The following CRABP2 variants were observed in gnomAD, a reference collection of about 807,000 sequenced individuals.
CRABP2 encodes cellular retinoic acid binding protein 2, also known as cellular retinoic acid-binding protein 2.
A neutral mutation model predicts 17.9 loss-of-function variants in CRABP2; 20 were observed. The ratio of observed to expected loss-of-function variants is 1.12; its 90% confidence interval spans 0.79 to 1.63. The LOEUF is 1.63. CRABP2 is among the 40% of genes most tolerant of loss of function. The pLI, the probability that CRABP2 is intolerant of heterozygous loss-of-function variation, is 0.00. For synonymous variants in CRABP2, 76 were observed against 66.4 expected (o/e 1.14, Z -0.70); for missense variants, 151 against 168.6 (o/e 0.90, Z 0.58).
intron 1 of CRABP2, among the ~76,000 whole-genome samples, chr1:156,704,461 T>G: frequency 6.6e-6 from 1 of 152,028 alleles, no homozygotes; most frequent in East Asian, 1.9e-4. Flanking sequence ...AACGTCCATC[T>G]CTCCCCCAGA....
rs983285918 is a variant in CRABP2 at position 156,699,710 on chromosome 1, C to T, written c.*316G>A. ...AGCTAGAGGGCCAGTCTTTCCTGCT[C>T]AGGCCCTCAAGTCCCCTTTAGAGAG... On this transcript the variant is annotated 3_prime_UTR_variant, in exon 4 of 4. Transcript: ENST00000368222. The T allele has an allele frequency of 2.9e-6, 1 of 348,312 alleles. No homozygotes were observed. Among genetic ancestry groups the T allele is most frequent in the Non-Finnish European group, 5.3e-6 (1 of 189,982 alleles). The allele number at this position is 348,312 out of a possible 1,614,324, so 21.6% of individuals were successfully genotyped here. A position where few individuals can be genotyped will look rare whatever the true frequency, so the allele number is the denominator to read the frequency against.
rs747435489 is a variant in CRABP2, at chr1:156,705,339, C to T, written c.70+38G>A. The T allele has an allele frequency of 2.5e-6, 4 of 1,609,308 alleles. No homozygotes were observed. Among genetic ancestry groups the T allele is most frequent in the East Asian group, 4.5e-5 (2 of 44,868 alleles). ...CCCCAACTTCGAGGACTCCAGAGCCCCCCCTTGCCCCACCTGGGCCCTCGA... is the reference window on the plus strand; with the variant it reads ...CCCCAACTTCGAGGACTCCAGAGCCTCCCCTTGCCCCACCTGGGCCCTCGA... On this transcript the variant is annotated intron_variant, in intron 1 of 3. Transcript: ENST00000368222. The surrounding 1 kb of genome is among the most constrained non-coding windows in gnomAD (Gnocchi z 5.2).
chr1:156,701,600 T>A (rs1648034745), intron 1 of CRABP2, among the ~76,000 whole-genome samples: 1 of 152,034 alleles, frequency 6.6e-6, no homozygotes, highest in Admixed American at 6.5e-5. Context: ...CCACCGTATC[T>A]AGTGCTAGAT....
At chr1:156,701,707 G>A (rs1274442821) in intron 1 of CRABP2, among the ~76,000 whole-genome samples, 1 of 152,164 alleles carries the variant, frequency 6.6e-6, no homozygotes, top group Non-Finnish European at 1.5e-5. Flanking sequence ...GGAAGACAGA[G>A]GCTCTGGAGT....
chr1:156,705,337 C>G lies in CRABP2; in HGVS notation c.70+40G>C, dbSNP rs750995481. The G allele has an allele frequency of 6.2e-7, 1 of 1,601,934 alleles. No homozygotes were observed. Among genetic ancestry groups the G allele is most frequent in the Non-Finnish European group, 8.6e-7 (1 of 1,169,012 alleles). On this transcript the variant is annotated intron_variant, in intron 1 of 3. Transcript: ENST00000368222. The surrounding 1 kb of genome is among the most constrained non-coding windows in gnomAD (Gnocchi z 5.2). ...ATCCCCAACTTCGAGGACTCCAGAG[C>G]CCCCCCTTGCCCCACCTGGGCCCTC...
chr1:156,702,348 C>T (rs1037081658), intron 1 of CRABP2, among the ~76,000 whole-genome samples: 16 of 151,836 alleles, frequency 1.1e-4, no homozygotes, highest in South Asian at 4.2e-4. Context: ...CTACTTGGGA[C>T]GCTGAGGCTG....
intron 1 of CRABP2, among the ~76,000 whole-genome samples, chr1:156,702,830 C>T (rs1010471550): frequency 6.7e-6 from 1 of 149,144 alleles, no homozygotes; most frequent in African/African-American, 2.5e-5. Context: ...ACTTAGCACA[C>T]ACAGTGCCAG....
Position 156,705,473 on chromosome 1 carries a change from TAG to T in CRABP2, c.-29_-28del. ...GTGGCGGCGCGGGAGGCGGTCCCCGTAGACTCCTAGGCTGGAGCACTGGACAC... is the reference window on the plus strand; with the variant it reads ...GTGGCGGCGCGGGAGGCGGTCCCCGTACTCCTAGGCTGGAGCACTGGACAC... On this transcript the variant is annotated 5_prime_UTR_variant, in exon 1 of 4. Transcript: ENST00000368222. The surrounding 1 kb of genome is among the most constrained non-coding windows in gnomAD (Gnocchi z 5.2). The T allele has an allele frequency of 1.2e-6, 2 of 1,612,296 alleles. No homozygotes were observed. The highest frequency in any genetic ancestry group is 1.7e-6 in the Non-Finnish European group (2 of 1,178,664).
chr1:156,701,956 T>A (rs1210018260), intron 1 of CRABP2, among the ~76,000 whole-genome samples: 2 of 148,558 alleles, frequency 1.3e-5, no homozygotes, highest in African/African-American at 5.0e-5. Context: ...CTGGGCAACA[T>A]GCTGAAACCC....
At position 156,700,999 on chromosome 1, in the gene CRABP2, C is replaced by G. The variant is rs1040734472; in HGVS notation, c.124G>C (p.Val42Leu). 1.2e-6 allele frequency: 2 copies of G among 1,614,184 alleles called. No homozygotes were observed. Among genetic ancestry groups the G allele is most frequent in the South Asian group, 1.1e-5 (1 of 91,090 alleles). Residue 42 changes from valine to leucine, a missense_variant, in exon 2 of 4, where the codon GTG becomes CTG. Physicochemically the swap from Val to Leu is conservative, Grantham distance 32. Transcript: ENST00000368222. The stretch of plus-strand genomic sequence containing the variant: ...GTGTCTCCCTCCTGTTTGATCTCCA[C>G]TGCTGGCTTGGACGCTGCAGCCACA... ...IAVAAASKPA[V>L]EIKQEGDTFY...
In CRABP2 at chr1:156,700,941, G is replaced by A. The variant is rs1247135887; in HGVS notation, c.182C>T (p.Thr61Ile). 1.2e-6 allele frequency: 2 copies of A among 1,614,202 alleles called. No individual in the cohort carries two copies. The highest frequency in any genetic ancestry group is 1.7e-6 in the Non-Finnish European group (2 of 1,180,024). Residue 61 changes from threonine to isoleucine, a missense_variant, in exon 2 of 4, where the codon ACC (threonine) becomes ATC (isoleucine). Transcript: ENST00000368222. ...CCCAACCTTGAAGTTAATCTCTGTGGTGCGCACGGTGGTGGAGGTTTTGAT... is the reference window on the plus strand; with the variant it reads ...CCCAACCTTGAAGTTAATCTCTGTGATGCGCACGGTGGTGGAGGTTTTGAT... ...FYIKTSTTVR[T>I]TEINFKVGEE...
At chr1:156,702,695 C>G (rs950095632) in intron 1 of CRABP2, among the ~76,000 whole-genome samples, 2 of 148,512 alleles carry the variant, frequency 1.3e-5, no homozygotes, top group Non-Finnish European at 3.0e-5. Context: ...TCACTTGAAT[C>G]CAGGAGACGG....
At chr1:156,703,489 A>G (rs1359394458) in intron 1 of CRABP2, among the ~76,000 whole-genome samples, 1 of 152,188 alleles carries the variant, frequency 6.6e-6, no homozygotes, top group African/African-American at 2.4e-5. Context: ...GAGTAGAGCC[A>G]GGGATGCACT....
In CRABP2 at chr1:156,701,060, G is replaced by A. The variant is rs1206872918; in HGVS notation, c.71-8C>T. 2.5e-6 allele frequency: 4 copies of A among 1,613,224 alleles called. No homozygotes were observed. In the East Asian group the frequency reaches 6.7e-5, roughly 27 times the overall value. ...TCAGCATCACATTCACCCCTGTGGG[G>A]AGAGAGGAGAGGCTCACCTTTTAGG... is the stretch of plus-strand genomic sequence containing the variant. On this transcript the variant is annotated splice_polypyrimidine_tract_variant and splice_region_variant and intron_variant, in intron 1 of 3. Transcript: ENST00000368222.
In CRABP2 at chr1:156,705,245, G is replaced by T; in HGVS notation, c.70+132C>A. The T allele has an allele frequency of 1.0e-6, 1 of 993,446 alleles. No individual in the cohort carries two copies. The highest frequency in any genetic ancestry group is 1.6e-6 in the Non-Finnish European group (1 of 637,566). The allele number at this position is 993,446 out of a possible 1,614,324, so 61.5% of individuals were successfully genotyped here. ...CCAGAGCCCCGGGACCCGGACGCCT[G>T]GCACGTTTTTCGGGGATGCAGGCAC... is the stretch of plus-strand genomic sequence containing the variant. On this transcript the variant is annotated intron_variant, in intron 1 of 3. Coordinates refer to ENST00000368222, the MANE Select transcript of CRABP2 (RefSeq NM_001878.4). This position sits in a 1 kb window ranked among gnomAD's most constrained non-coding sequence, Gnocchi z 5.2.
intron 1 of CRABP2, among the ~76,000 whole-genome samples, chr1:156,701,601 AG>A (rs374583818): frequency 2.6e-5 from 4 of 152,194 alleles, no homozygotes; most frequent in African/African-American, 9.6e-5. Context: ...CACCGTATCT[AG>A]TGCTAGATAG....
At chr1:156,700,796 T>G in intron 2 of CRABP2, 78 bp downstream of exon 2, 1 of 1,562,838 alleles carries the variant, frequency 6.4e-7, no homozygotes, top group Non-Finnish European at 8.7e-7. Flanking sequence ...AGCTAGGAGT[T>G]AACTGCTAGC....
chr1:156,703,966 C>T (rs533456200), intron 1 of CRABP2, among the ~76,000 whole-genome samples: 7 of 152,236 alleles, frequency 4.6e-5, no homozygotes, highest in African/African-American at 7.2e-5. Flanking sequence ...GAGGAGGGCA[C>T]GTGGCTCAGA....
intron 2 of CRABP2, 104 bp downstream of exon 2, chr1:156,700,770 T>C: frequency 6.6e-7 from 1 of 1,523,870 alleles, no homozygotes; most frequent in Non-Finnish European, 9.0e-7. Flanking sequence ...GGATTTTCCC[T>C]ACTGGGACAG....
Sources: allele counts gnomAD v4.1 joint callset (sites outside exome capture counted in the v4.1 genomes callset), GRCh38; gene constraint gnomAD v4.1.1; non-coding constraint Gnocchi (gnomAD v3.1); transcripts MANE v1.5; gene names NCBI Gene and HGNC (gene_info 2026-07-23, HGNC 2026-07-21).